MAP3K13: variants seen among roughly 807,000 people sequenced by gnomAD.
MAP3K13 encodes mitogen-activated protein kinase kinase kinase 13.
MAP3K13 carries 52 observed loss-of-function variants against 104.0 expected under a neutral mutation model. That is an observed-to-expected ratio of 0.50 (90% CI 0.40 to 0.63). MAP3K13 has a LOEUF of 0.63. MAP3K13 is among the 20% of genes least tolerant of loss of function. The pLI is 0.00. For synonymous variants in MAP3K13, 394 were observed against 442.2 expected (o/e 0.89, Z 1.37); for missense variants, 914 against 1,218.5 (o/e 0.75, Z 3.72).
At chr3:185,410,182 A>T (rs1358089757) in intron 1 of MAP3K13, among the ~76,000 whole-genome samples, 2 of 152,212 alleles carry the variant, frequency 1.3e-5, no homozygotes, top group African/African-American at 4.8e-5. Context: ...AACCAGTACC[A>T]GTCTGCGGTC....
At chr3:185,404,450 G>C (rs765560244) in intron 1 of MAP3K13, among the ~76,000 whole-genome samples, 1 of 152,190 alleles carries the variant, frequency 6.6e-6, no homozygotes, top group Non-Finnish European at 1.5e-5. Flanking sequence ...TTGAGCGTGA[G>C]AGCTGGTTTA....
chr3:185,419,713 T>C (rs1577535426), intron 1 of MAP3K13, among the ~76,000 whole-genome samples: 1 of 152,112 alleles, frequency 6.6e-6, no homozygotes, highest in African/African-American at 2.4e-5. Flanking sequence ...TGGATTTAGG[T>C]CAGAAAATGT....
At chr3:185,303,436 G>A (rs1721176322) in intron 2 of MAP3K13, among the ~76,000 whole-genome samples, 1 of 152,070 alleles carries the variant, frequency 6.6e-6, no homozygotes, top group Non-Finnish European at 1.5e-5. Flanking sequence ...TCCATTGAAG[G>A]CATCTGGTCC....
chr3:185,348,690 G>A (rs1192826164), intron 2 of MAP3K13, among the ~76,000 whole-genome samples: 2 of 152,068 alleles, frequency 1.3e-5, no homozygotes, highest in East Asian at 1.9e-4. Context: ...AGGCCGAGGC[G>A]GGTGGATCAC....
intron 12 of MAP3K13, among the ~76,000 whole-genome samples, chr3:185,477,939 T>C (rs987120760): frequency 2.6e-5 from 4 of 152,156 alleles, no homozygotes; most frequent in Non-Finnish European, 5.9e-5. Context: ...GGTCACAGTC[T>C]TATTGGATTA....
chr3:185,370,950 T>C (rs1724131883), intron 1 of MAP3K13, among the ~76,000 whole-genome samples: 1 of 152,078 alleles, frequency 6.6e-6, no homozygotes, highest in Non-Finnish European at 1.5e-5. Context: ...GTCTTCTAAC[T>C]CGAGCTGAAG....
chr3:185,286,587 G>A (rs1248193492), intron 2 of MAP3K13, among the ~76,000 whole-genome samples: 3 of 152,030 alleles, frequency 2.0e-5, no homozygotes, highest in African/African-American at 7.2e-5. Flanking sequence ...ATACTTTGCA[G>A]CTCTTAGGAT....
chr3:185,335,777 T>C (rs1722479228), intron 2 of MAP3K13, among the ~76,000 whole-genome samples: 1 of 152,192 alleles, frequency 6.6e-6, no homozygotes, highest in Non-Finnish European at 1.5e-5. Flanking sequence ...AGCCTATACA[T>C]GTTCAGTACA....
rs1280420736 is a variant in MAP3K13 at position 185,454,574 on chromosome 3, G to GAT, written c.1278+3188_1278+3189dup. On this transcript the variant is annotated intron_variant, in intron 7 of 13. Transcript: ENST00000265026. The stretch of plus-strand genomic sequence containing the variant: ...ATATACACATATATATGATATATAT[G>GAT]ATATATATATGATATATAGATATAT... 1.6e-3 allele frequency among the ~76,000 whole-genome samples: 168 copies of GAT among 107,912 alleles called. 5 individuals are homozygous for GAT. The highest frequency in any genetic ancestry group is 5.6e-3 in the African/African-American group (143 of 25,692). 70.8% of individuals were successfully genotyped at this position (107,912 alleles called of 152,430 possible).
At chr3:185,466,739 T>G (rs1435035201) in intron 9 of MAP3K13, 87 bp from the exon 10 acceptor site, 8 of 1,463,354 alleles carry the variant, frequency 5.5e-6, no homozygotes, top group Non-Finnish European at 7.6e-6. Flanking sequence ...TGTGGCAGAA[T>G]CTGTGGTAGA....
chr3:185,440,102 CAAGAT>C (rs1207197060), intron 3 of MAP3K13, among the ~76,000 whole-genome samples: 2 of 152,118 alleles, frequency 1.3e-5, no homozygotes, highest in South Asian at 2.1e-4. Context: ...AGGGGAAGTA[CAAGAT>C]AAGAATGCTA....
At chr3:185,303,616 C>A (rs985246856) in intron 2 of MAP3K13, among the ~76,000 whole-genome samples, 1 of 151,478 alleles carries the variant, frequency 6.6e-6, no homozygotes, top group Non-Finnish European at 1.5e-5. Context: ...TATAATTATT[C>A]ATAGTACTCT....
At chr3:185,404,629 T>C (rs1385724868) in intron 1 of MAP3K13, among the ~76,000 whole-genome samples, 1 of 152,132 alleles carries the variant, frequency 6.6e-6, no homozygotes, top group East Asian at 1.9e-4. Context: ...TAGGCTGGAG[T>C]GTAGTAGCTT....
At position 185,485,696 on chromosome 3, in the gene MAP3K13, T is replaced by C. The variant is rs1718682846; in HGVS notation, c.*3240T>C. Reference sequence around the variant, plus strand: ...AAGAGTGCTGTGCCTAATTTACAAATTAAATTTTATCATAGATATGTAAGT... The same window carrying C: ...AAGAGTGCTGTGCCTAATTTACAAACTAAATTTTATCATAGATATGTAAGT... On this transcript the variant is annotated 3_prime_UTR_variant, in exon 14 of 14. Transcript: ENST00000265026. 6.6e-6 allele frequency: 1 copy of C among 152,016 alleles called. No individual in the cohort carries two copies. The highest frequency in any genetic ancestry group is 2.4e-5 in the African/African-American group (1 of 41,392). The allele number at this position is 152,016 out of a possible 1,614,324, so 9.4% of individuals were successfully genotyped here.
At chr3:185,345,576 CA>C (rs1362354891) in intron 2 of MAP3K13, among the ~76,000 whole-genome samples, 3 of 152,140 alleles carry the variant, frequency 2.0e-5, no homozygotes, top group African/African-American at 7.2e-5. Flanking sequence ...TTCATAGGAG[CA>C]GGAAACCTAT....
chr3:185,372,288 G>A (rs991058602), intron 1 of MAP3K13, among the ~76,000 whole-genome samples: 1 of 152,140 alleles, frequency 6.6e-6, no homozygotes, highest in African/African-American at 2.4e-5. Context: ...GACATTTTAC[G>A]ACTTTGCCAG....
intron 7 of MAP3K13, among the ~76,000 whole-genome samples, chr3:185,452,005 T>A (rs2148898304): frequency 6.6e-6 from 1 of 152,240 alleles, no homozygotes; most frequent in Non-Finnish European, 1.5e-5. Context: ...TACATACACC[T>A]GAATTAGGAT....
chr3:185,359,459 C>T (rs1013087495), upstream of MAP3K13, among the ~76,000 whole-genome samples: 1 of 152,118 alleles, frequency 6.6e-6, no homozygotes, highest in Non-Finnish European at 1.5e-5. Context: ...GTATTAGTTC[C>T]TGTGGTTCTG....
At chr3:185,313,287 T>G (rs1428054680) in intron 2 of MAP3K13, among the ~76,000 whole-genome samples, 1 of 108,844 alleles carries the variant, frequency 9.2e-6, no homozygotes, top group African/African-American at 3.4e-5. Flanking sequence ...TTTTTTTTTT[T>G]GAAATGGAGT....
Sources: gnomAD v4.1 joint callset for allele counts (sites outside exome capture counted in the v4.1 genomes callset) on GRCh38, gnomAD v4.1.1 for gene constraint, MANE v1.5 for transcripts, NCBI Gene and HGNC (gene_info 2026-07-23, HGNC 2026-07-21) for gene names.